EPB41L1: variants seen among roughly 807,000 people sequenced by gnomAD.
The protein encoded by EPB41L1 is erythrocyte membrane protein band 4.1 like 1.
In EPB41L1, 29 loss-of-function variants were observed where a neutral mutation model predicts 97.8. That is an observed-to-expected ratio of 0.30 (90% confidence interval 0.22 to 0.40). The LOEUF is 0.40. Ranked by LOEUF, EPB41L1 falls within the 10% of genes least tolerant of loss-of-function variation. EPB41L1 has a pLI of 1.00. For missense variants in EPB41L1, 812 were observed against 1,162.3 expected, an observed-to-expected ratio of 0.70 and a Z score of 4.38; for synonymous variants, 383 against 459.2, an observed-to-expected ratio of 0.83 and a Z score of 2.12.
chr20:36,220,294 T>C (rs548494880), intron 19 of EPB41L1, among the ~76,000 whole-genome samples: 2 of 152,316 alleles, frequency 1.3e-5, no homozygotes, highest in Admixed American at 6.5e-5. Flanking sequence ...AAATTGTGTG[T>C]TTGCTTATTT....
intron 1 of EPB41L1, among the ~76,000 whole-genome samples, chr20:36,170,488 T>A (rs1259101856): frequency 1.3e-5 from 2 of 152,338 alleles, no homozygotes; most frequent in African/African-American, 4.8e-5. Flanking sequence ...TCCATGATTT[T>A]TTACGTTTTT....
At chr20:36,169,947 G>T (rs1364017846) in intron 1 of EPB41L1, among the ~76,000 whole-genome samples, 1 of 152,132 alleles carries the variant, frequency 6.6e-6, no homozygotes, top group East Asian at 1.9e-4. Context: ...TTCCCTCCAG[G>T]GGCCACTACA....
At position 36,093,672 on chromosome 20, in the gene EPB41L1, TGTGC is replaced by T. The variant is rs771179516; in HGVS notation, c.-65+2076_-65+2079del. The stretch of plus-strand genomic sequence containing the variant: ...GAGGGCGTGTCCTGCTTGAAGCCCG[TGTGC>T]GTGCGTGCGTGCGTGTGTGTGTGTG... On this transcript the variant is annotated intron_variant, in intron 1 of 19. Coordinates refer to the EPB41L1 transcript ENST00000202028. The surrounding 1 kb of genome is among the most constrained non-coding windows in gnomAD (Gnocchi z 5.4). Among the ~76,000 whole-genome samples the T allele has an allele frequency of 4.8e-4, 71 of 148,390 alleles. No individual in the cohort carries two copies. The highest frequency in any genetic ancestry group is 9.8e-4 in the African/African-American group (39 of 39,732).
chr20:36,143,897 G>T (rs1460303186), intron 2 of EPB41L1, among the ~76,000 whole-genome samples: 1 of 151,294 alleles, frequency 6.6e-6, no homozygotes, highest in Non-Finnish European at 1.5e-5. Context: ...CTGTTGCCCA[G>T]GCTGGAGTGC....
intron 1 of EPB41L1, among the ~76,000 whole-genome samples, chr20:36,166,184 G>A (rs556234576): frequency 1.3e-5 from 2 of 152,344 alleles, no homozygotes; most frequent in South Asian, 4.1e-4. Flanking sequence ...AGTTATCCAT[G>A]TGTTCAACCT....
rs2060224686 is a variant in EPB41L1 at position 36,154,924 on chromosome 20, C to T, written c.-15+28C>T. 9.1e-7 allele frequency: 1 copy of T among 1,099,790 alleles called. No homozygotes were observed. The highest frequency in any genetic ancestry group is 1.1e-6 in the Non-Finnish European group (1 of 894,286). The allele number at this position is 1,099,790 out of a possible 1,614,324, so 68.1% of individuals were successfully genotyped here. A position where few individuals can be genotyped will look rare whatever the true frequency, so the allele number is the denominator to read the frequency against. On this transcript the variant is annotated intron_variant, in intron 1 of 21. Transcript: ENST00000338074. This position sits in a 1 kb window ranked among gnomAD's most constrained non-coding sequence, Gnocchi z 5.5. Reference sequence around the variant, plus strand: ...AGGCACATGGGGGAATCAGGTGGCTCTCGGGGCCGGGGGCTTGCAACATCT... The same window carrying T: ...AGGCACATGGGGGAATCAGGTGGCTTTCGGGGCCGGGGGCTTGCAACATCT...
intron 17 of EPB41L1, 36 bp downstream of exon 17, chr20:36,214,476 GC>G: frequency 6.5e-7 from 1 of 1,537,564 alleles, no homozygotes; most frequent in Non-Finnish European, 8.9e-7. Flanking sequence ...TCTCTGACCA[GC>G]CCCCTGCCCC....
intron 2 of EPB41L1, among the ~76,000 whole-genome samples, chr20:36,148,315 A>T (rs2059915732): frequency 6.6e-6 from 1 of 152,166 alleles, no homozygotes; most frequent in Non-Finnish European, 1.5e-5. Context: ...AGAGGCCAAG[A>T]GGTTATTTCT....
intron 14 of EPB41L1, chr20:36,200,797 C>T: frequency 1.9e-5 from 8 of 430,306 alleles, no homozygotes; most frequent in Admixed American, 1.1e-4. Context: ...TTTTCTCTTT[C>T]CCTCTCTTCC....
At position 36,190,836 on chromosome 20, in the gene EPB41L1, T is replaced by C; in HGVS notation, c.1300+39T>C. The C allele has an allele frequency of 6.2e-7, 1 of 1,608,440 alleles. No homozygotes were observed. Among genetic ancestry groups the C allele is most frequent in the Non-Finnish European group, 8.5e-7 (1 of 1,179,430 alleles). On this transcript the variant is annotated intron_variant, in intron 11 of 21. Transcript: ENST00000338074. This position sits in a 1 kb window ranked among gnomAD's most constrained non-coding sequence, Gnocchi z 5.8. ...TGGAGGGCTGGGCGGGGAATGGTCT[T>C]CAGAGGGAACTGGGGGAGTGGGCAT...
At chr20:36,123,292 G>A (rs1305382688) in intron 2 of EPB41L1, among the ~76,000 whole-genome samples, 1 of 152,070 alleles carries the variant, frequency 6.6e-6, no homozygotes, top group East Asian at 1.9e-4. Context: ...AAGAGGGGAA[G>A]GCAGAAAAAT....
chr20:36,130,457 G>GCC (rs1322707326), intron 2 of EPB41L1, among the ~76,000 whole-genome samples: 1 of 152,166 alleles, frequency 6.6e-6, no homozygotes, highest in Non-Finnish European at 1.5e-5. Context: ...ATCGGAAGCT[G>GCC]CCTTCCGTGT....
chr20:36,099,761 T>C (rs1390824727), intron 1 of EPB41L1, among the ~76,000 whole-genome samples: 1 of 152,162 alleles, frequency 6.6e-6, no homozygotes, highest in African/African-American at 2.4e-5. Context: ...TCAGTGGTAA[T>C]TGGAACACCT....
At chr20:36,172,071 TTTTA>T (rs1287305481) in intron 1 of EPB41L1, among the ~76,000 whole-genome samples, 3 of 152,128 alleles carry the variant, frequency 2.0e-5, no homozygotes, top group Admixed American at 6.5e-5. Flanking sequence ...CGTATGTATA[TTTTA>T]TTTATTTATT....
rs145232097 is a variant in EPB41L1, at chr20:36,138,602, TG to T, written c.-10+26123del. The stretch of plus-strand genomic sequence containing the variant: ...GCCACTATTTATTGCATGCTTAATA[TG>T]TGCCAGGAACTGGGTTAATGATTTG... On this transcript the variant is annotated intron_variant, in intron 2 of 19. Coordinates refer to the EPB41L1 transcript ENST00000202028. Among the ~76,000 whole-genome samples the T allele has an allele frequency of 0.01, 1,563 of 152,320 alleles. 62 individuals are homozygous for T. In the East Asian group the frequency reaches 0.13, roughly 13 times the overall value.
At chr20:36,162,204 T>G (rs552066207) in intron 1 of EPB41L1, among the ~76,000 whole-genome samples, 1 of 152,350 alleles carries the variant, frequency 6.6e-6, no homozygotes, top group African/African-American at 2.4e-5. Context: ...CTGTAACTGC[T>G]GTTTCCTGCC....
chr20:36,184,196 C>T (rs976265919), intron 6 of EPB41L1, among the ~76,000 whole-genome samples: 3 of 151,842 alleles, frequency 2.0e-5, no homozygotes, highest in Non-Finnish European at 4.4e-5. Flanking sequence ...GATCGTGCCA[C>T]TGCACTCCAG....
intron 16 of EPB41L1, among the ~76,000 whole-genome samples, chr20:36,214,115 G>A (rs1464565265): frequency 2.0e-5 from 3 of 151,956 alleles, no homozygotes; most frequent in East Asian, 1.9e-4. Context: ...AAGATTACAC[G>A]CATTGCAATT....
intron 16 of EPB41L1, among the ~76,000 whole-genome samples, chr20:36,213,540 T>C (rs2063263282): frequency 6.6e-6 from 1 of 152,214 alleles, no homozygotes; most frequent in Non-Finnish European, 1.5e-5. Context: ...TCTTGAGTTC[T>C]GATGAGCTGT....
Sources: allele counts gnomAD v4.1 joint callset (sites outside exome capture counted in the v4.1 genomes callset), GRCh38; gene constraint gnomAD v4.1.1; non-coding constraint Gnocchi (gnomAD v3.1); transcripts MANE v1.5; gene names NCBI Gene and HGNC (gene_info 2026-07-23, HGNC 2026-07-21).